TRIM27: variants seen among roughly 807,000 people sequenced by gnomAD.
The protein encoded by TRIM27 is zinc finger protein RFP.
A neutral mutation model predicts 57.6 loss-of-function variants in TRIM27; 12 were observed. The observed-to-expected ratio is 0.21, with a 90% CI of 0.13 to 0.34. The LOEUF is 0.34. Ranked by LOEUF, TRIM27 falls within the 10% of genes least tolerant of loss-of-function variation. TRIM27 has a pLI of 1.00. For synonymous variants in TRIM27, 266 were observed against 259.0 expected (o/e 1.03, Z -0.26); for missense variants, 403 against 656.8 (o/e 0.61, Z 4.22).
Position 28,904,419 on chromosome 6 carries a change from A to C in TRIM27, c.1193T>G (p.Val398Gly). ...CEDSVCRKGG[V>G]TSAPQNGFWA... Reference sequence around the variant, plus strand: ...GAATCCATTCTGGGGGGCTGAGGTTACTCCACCTTTTCTGCACACTGAGTC... The same window carrying C: ...GAATCCATTCTGGGGGGCTGAGGTTCCTCCACCTTTTCTGCACACTGAGTC... The change falls in exon 8 of 8, where the codon GTA becomes GGA. Residue 398 changes from valine (V) to glycine (G), a missense_variant. Val to Gly is a moderately radical substitution (Grantham distance 109, BLOSUM62 -3). Coordinates refer to ENST00000377199, the MANE Select transcript of TRIM27 (RefSeq NM_006510.5). This position sits in a 1 kb window ranked among gnomAD's most constrained non-coding sequence, Gnocchi z 6.1. The C allele has an allele frequency of 6.2e-7, 1 of 1,612,776 alleles. No homozygotes were observed.
intron 2 of TRIM27, among the ~76,000 whole-genome samples, chr6:28,921,144 G>T (rs1196594182): frequency 2.0e-5 from 3 of 152,190 alleles, no homozygotes; most frequent in Non-Finnish European, 4.4e-5. Context: ...ACTTTGGGAG[G>T]CTGAGGTGGG....
Position 28,904,781 on chromosome 6 carries a change from A to T in TRIM27, c.947-116T>A, listed in dbSNP as rs1772642422. The T allele has an allele frequency of 1.4e-6, 1 of 693,948 alleles. No homozygotes were observed. Among genetic ancestry groups the T allele is most frequent in the Non-Finnish European group, 2.3e-6 (1 of 425,606 alleles). 43.0% of individuals were successfully genotyped at this position (693,948 alleles called of 1,614,324 possible). On this transcript the variant is annotated intron_variant, in intron 7 of 7. Transcript: ENST00000377199. The surrounding 1 kb of genome is among the most constrained non-coding windows in gnomAD (Gnocchi z 6.1). ...GAGGTTCCCACTGGAGGTTGCACGT[A>T]TTTTATTTAGAATATATTCTAAACT...
At chr6:28,905,850 T>A (rs1039787125) in intron 7 of TRIM27, 9 of 152,240 alleles carry the variant, frequency 5.9e-5, no homozygotes, top group Admixed American at 4.6e-4. Flanking sequence ...TCTAAAACTG[T>A]GTATGACCCA....
chr6:28,907,229 C>T lies in TRIM27; in HGVS notation c.946+7G>A, dbSNP rs1772834121. On this transcript the variant is annotated splice_region_variant and intron_variant, in intron 7 of 7. Transcript: ENST00000377199. ...ACCCTAATATGGTTTTGTCTCTCAT[C>T]ACCTACCTGAGTATAACTGAGCCTC... 1 of 1,610,562 alleles carries T rather than the reference C, an allele frequency of 6.2e-7. No homozygotes were observed. The highest frequency in any genetic ancestry group is 1.7e-5 in the Admixed American group (1 of 59,460).
intron 1 of TRIM27, among the ~76,000 whole-genome samples, chr6:28,922,300 T>A (rs1015113657): frequency 1.3e-5 from 2 of 152,212 alleles, no homozygotes; most frequent in Non-Finnish European, 2.9e-5. Context: ...AGCGGAACTG[T>A]GACTGGAGTA....
chr6:28,923,940 G>A lies in TRIM27; in HGVS notation c.-308C>T. On this transcript the variant is annotated 5_prime_UTR_variant, in exon 1 of 8. Transcript: ENST00000377199. ...AGTCCCAGGGCCAGGCGGGCAAAGC[G>A]CGCAAGACAACGTGGCCGCGTCCGA... 2.6e-6 allele frequency: 1 copy of A among 388,690 alleles called. No homozygotes were observed. Among genetic ancestry groups the A allele is most frequent in the Admixed American group, 4.4e-5 (1 of 22,868 alleles). 24.1% of individuals were successfully genotyped at this position (388,690 alleles called of 1,614,324 possible). A position where few individuals can be genotyped will look rare whatever the true frequency, so the allele number is the denominator to read the frequency against.
chr6:28,911,791 T>C (rs1773227876), intron 3 of TRIM27, 73 bp from the exon 4 acceptor site: 2 of 1,465,978 alleles, frequency 1.4e-6, no homozygotes, highest in East Asian at 2.3e-5. Flanking sequence ...AGATGTTTGT[T>C]GAAAAACCAA....
At chr6:28,910,976 G>C (rs1773160371) in intron 4 of TRIM27, among the ~76,000 whole-genome samples, 1 of 152,130 alleles carries the variant, frequency 6.6e-6, no homozygotes, top group Non-Finnish European at 1.5e-5. Flanking sequence ...TAGTCAAGCT[G>C]CATTTTGCTT....
At chr6:28,908,457 G>T in intron 6 of TRIM27, 1 of 251,442 alleles carries the variant, frequency 4.0e-6, no homozygotes. Flanking sequence ...TAGGAACTCA[G>T]TAAATTACAA....
chr6:28,923,484 T>C lies in TRIM27; in HGVS notation c.149A>G (p.Asn50Ser), dbSNP rs1241394385. The change falls in exon 1 of 8, where the codon AAC becomes AGC. Residue 50 changes from asparagine (N) to serine (S), a missense_variant. Physicochemically the swap from Asn to Ser is conservative, Grantham distance 46 (BLOSUM62 1). Coordinates refer to ENST00000377199, the MANE Select transcript of TRIM27 (RefSeq NM_006510.5). ...LARCWGTAET[N>S]VSCPQCRETF... is the part of the protein sequence containing the mutation. ...CTCCCGGCACTGCGGGCACGACACG[T>C]TAGTCTCTGCCGTGCCCCAGCAGCG... 2 of 1,612,256 alleles carry C rather than the reference T, an allele frequency of 1.2e-6. No homozygotes were observed. The highest frequency in any genetic ancestry group is 1.3e-5 in the African/African-American group (1 of 75,046).
intron 3 of TRIM27, among the ~76,000 whole-genome samples, chr6:28,914,459 T>C (rs1773452253): frequency 6.6e-6 from 1 of 151,806 alleles, no homozygotes; most frequent in African/African-American, 2.4e-5. Context: ...AAGCACATAA[T>C]AATATGTGCT....
chr6:28,908,899 ATCC>A, intron 5 of TRIM27, 59 bp from the exon 6 acceptor site: 7 of 1,606,608 alleles, frequency 4.4e-6, no homozygotes, highest in Non-Finnish European at 6.0e-6. Flanking sequence ...CTGGAAAATT[ATCC>A]TCTTCATCAG....
chr6:28,907,258 T>A lies in TRIM27; in HGVS notation c.924A>T (p.Leu308Phe), dbSNP rs1772835300. Residue 308 changes from leucine to phenylalanine, a missense_variant, in exon 7 of 8, where the codon TTA (leucine) becomes TTT (phenylalanine). Leu to Phe is a conservative substitution (Grantham distance 22, BLOSUM62 0). Transcript: ENST00000377199. Reference protein sequence around the residue: ...MQSDMEKIQELREAQLYSVDV... With the variant: ...MQSDMEKIQEFREAQLYSVDV... Reference sequence around the variant, plus strand: ...TACCTGAGTATAACTGAGCCTCTCTTAATTCTGAAAGAATAAAAGAGCAAA... The same window carrying A: ...TACCTGAGTATAACTGAGCCTCTCTAAATTCTGAAAGAATAAAAGAGCAAA... 6.2e-7 allele frequency: 1 copy of A among 1,611,364 alleles called. No individual in the cohort carries two copies. Among genetic ancestry groups the A allele is most frequent in the African/African-American group, 1.3e-5 (1 of 74,832 alleles).
chr6:28,921,323 C>T (rs1186647720), intron 2 of TRIM27, among the ~76,000 whole-genome samples: 1 of 151,016 alleles, frequency 6.6e-6, no homozygotes, highest in African/African-American at 2.4e-5. Context: ...GAGGTTGCAG[C>T]GAGCCAAAAC....
chr6:28,906,124 G>A (rs1187856819), intron 7 of TRIM27: 1 of 152,122 alleles, frequency 6.6e-6, no homozygotes, highest in Non-Finnish European at 1.5e-5. Flanking sequence ...GATCACTTGA[G>A]CCCAGGAGTA....
At chr6:28,909,305 C>A (rs1481480367) in intron 4 of TRIM27, among the ~76,000 whole-genome samples, 1 of 152,152 alleles carries the variant, frequency 6.6e-6, no homozygotes, top group Non-Finnish European at 1.5e-5. Flanking sequence ...TGGGGTTTCT[C>A]CATACTGGTC....
chr6:28,913,301 A>G (rs1016427416), intron 3 of TRIM27, among the ~76,000 whole-genome samples: 1 of 148,912 alleles, frequency 6.7e-6, no homozygotes, highest in African/African-American at 2.4e-5. Flanking sequence ...ATACGTATGT[A>G]TATGTGTGTG....
At chr6:28,912,807 C>T (rs1257905067) in intron 3 of TRIM27, among the ~76,000 whole-genome samples, 1 of 151,990 alleles carries the variant, frequency 6.6e-6, no homozygotes, top group African/African-American at 2.4e-5. Context: ...TTTATTGATA[C>T]GTAACAGACA....
rs184605741 is a variant in TRIM27, at chr6:28,919,710, G to C, written c.747+302C>G. Among the ~76,000 whole-genome samples, 41 of 152,328 alleles carry C rather than the reference G, an allele frequency of 2.7e-4. No homozygotes were observed. In the East Asian group the frequency reaches 7.9e-3, roughly 29 times the overall value. ...ATTACTGAACAAATGAGGTCACTGAGGCCCAAAAAGGTTGAGAGCCTTGCC... is the reference window on the plus strand; with the variant it reads ...ATTACTGAACAAATGAGGTCACTGACGCCCAAAAAGGTTGAGAGCCTTGCC... On this transcript the variant is annotated intron_variant, in intron 3 of 7. Coordinates refer to ENST00000377199, the MANE Select transcript of TRIM27 (RefSeq NM_006510.5).
Sources: gnomAD v4.1 joint callset for allele counts (sites outside exome capture counted in the v4.1 genomes callset) on GRCh38, gnomAD v4.1.1 for gene constraint, Gnocchi (gnomAD v3.1) non-coding constraint, MANE v1.5 for transcripts, NCBI Gene and HGNC (gene_info 2026-07-23, HGNC 2026-07-21) for gene names.